Variants in KIF1A observed in about 807,000 individuals in gnomAD.
KIF1A encodes the protein kinesin family member 1A, also known as kinesin-like protein KIF1A.
In KIF1A, 46 loss-of-function variants were observed where a neutral mutation model predicts 227.3. The ratio of observed to expected loss-of-function variants is 0.20; its 90% CI spans 0.16 to 0.26. KIF1A has a LOEUF of 0.26. Among genes scored for constraint, KIF1A ranks in the 10% least tolerant of loss-of-function variants. The pLI is 1.00. For missense variants in KIF1A, 1,683 were observed against 2,485.9 expected (o/e 0.68, Z 6.87); for synonymous variants, 1,022 against 1,012.8 (o/e 1.01, Z -0.17).
At position 240,813,665 on chromosome 2, in the gene KIF1A, C is replaced by T. The variant is rs376454981; in HGVS notation, c.-61+6457G>A. On this transcript the variant is annotated intron_variant, in intron 1 of 48. Transcript: ENST00000498729. ...GCCAGGGCCTGCCATGGACACCCCACCCCCCATGGACACCCCACCCCAGCT... is the reference window on the plus strand; with the variant it reads ...GCCAGGGCCTGCCATGGACACCCCATCCCCCATGGACACCCCACCCCAGCT... Among the ~76,000 whole-genome samples the T allele has an allele frequency of 3.9e-3, 593 of 152,076 alleles. 5 individuals carry two copies. The highest frequency in any genetic ancestry group is 0.013 in the African/African-American group (558 of 41,458).
chr2:240,721,436 A>G (rs147195379), intron 44 of KIF1A, among the ~76,000 whole-genome samples: 1 of 152,336 alleles, frequency 6.6e-6, no homozygotes, highest in East Asian at 1.9e-4. Context: ...TTCCCAGGCT[A>G]CAGGGGTGGG....
chr2:240,811,464 AGAGCCTATGGGCGTGGCT>A (rs2057859256), intron 1 of KIF1A, among the ~76,000 whole-genome samples: 1 of 152,224 alleles, frequency 6.6e-6, no homozygotes, highest in Admixed American at 6.5e-5. Flanking sequence ...AAGGGTGGCC[AGAGCCTATGGGCGTGGCT>A]GATGGCAGAA....
intron 24 of KIF1A, 77 bp downstream of exon 24, chr2:240,761,152 C>T (rs2050477401): frequency 6.7e-7 from 1 of 1,501,978 alleles, no homozygotes; most frequent in Non-Finnish European, 9.1e-7. Flanking sequence ...GTGCTGAGTC[C>T]CAAGTAGCTG....
chr2:240,765,521 C>G (rs1374046511), intron 20 of KIF1A, among the ~76,000 whole-genome samples, 189 bp downstream of exon 20: 1 of 152,240 alleles, frequency 6.6e-6, no homozygotes, highest in Non-Finnish European at 1.5e-5. Flanking sequence ...TGCTGTGTTC[C>G]TGGAGTTGGG....
At chr2:240,817,022 T>C (rs914134904) in intron 1 of KIF1A, among the ~76,000 whole-genome samples, 13 of 152,196 alleles carry the variant, frequency 8.5e-5, no homozygotes, top group Admixed American at 7.2e-4. Flanking sequence ...GCTCAGGAGC[T>C]AAAGAGCAAG....
intron 43 of KIF1A, 30 bp from the exon 44 acceptor site, chr2:240,721,914 G>C: frequency 6.4e-7 from 1 of 1,566,028 alleles, no homozygotes; most frequent in Non-Finnish European, 8.7e-7. Context: ...GTGGTCAGGG[G>C]CCAGGCCTCC....
intron 1 of KIF1A, among the ~76,000 whole-genome samples, chr2:240,799,170 G>A (rs1559540053): frequency 6.6e-6 from 1 of 152,296 alleles, no homozygotes; most frequent in East Asian, 1.9e-4. Context: ...AGGAAAGGGG[G>A]CACAGCAAGC....
chr2:240,748,908 G>A (rs1244734411), intron 28 of KIF1A, among the ~76,000 whole-genome samples: 2 of 152,136 alleles, frequency 1.3e-5, no homozygotes, highest in East Asian at 1.9e-4. Flanking sequence ...ATTACTTGAG[G>A]TCAGGAGTTC....
chr2:240,786,542 C>G, intron 5 of KIF1A, 29 bp from the exon 6 acceptor site: 1 of 1,604,150 alleles, frequency 6.2e-7, no homozygotes, highest in South Asian at 1.1e-5. Context: ...CCATCAGGGG[C>G]CCCTGAGGCG....
rs148868517 is a variant in KIF1A at position 240,784,425 on chromosome 2, G to A, written c.720+564C>T. Among the ~76,000 whole-genome samples, 99 of 152,308 alleles carry A rather than the reference G, an allele frequency of 6.5e-4. 2 individuals carry two copies. In the East Asian group the frequency reaches 0.015, roughly 23 times the overall value. On this transcript the variant is annotated intron_variant, in intron 7 of 48. Transcript: ENST00000498729. ...CGGGGCAGGCAGCCGCGCCGACCTC[G>A]TCCAGCTTCACCCTCGTCTGTCCCC...
intron 2 of KIF1A, among the ~76,000 whole-genome samples, chr2:240,795,503 C>T (rs969936707): frequency 2.0e-5 from 3 of 152,222 alleles, no homozygotes; most frequent in African/African-American, 7.2e-5. Flanking sequence ...TCCAGGCCTG[C>T]ACTGCTGTCT....
chr2:240,733,085 C>A (rs2046940274), intron 38 of KIF1A, among the ~76,000 whole-genome samples: 1 of 151,668 alleles, frequency 6.6e-6, no homozygotes, highest in Non-Finnish European at 1.5e-5. Context: ...AGGCTCTGAC[C>A]CACCTGGACA....
rs762675361 is a variant in KIF1A, at chr2:240,775,937, G to A, written c.883-11C>T. 20 of 1,592,486 alleles carry A rather than the reference G, an allele frequency of 1.3e-5. No individual in the cohort carries two copies. Among genetic ancestry groups the A allele is most frequent in the East Asian group, 2.2e-5 (1 of 44,782 alleles). On this transcript the variant is annotated splice_polypyrimidine_tract_variant and intron_variant, in intron 10 of 48. Transcript: ENST00000498729. This position sits in a 1 kb window ranked among gnomAD's most constrained non-coding sequence, Gnocchi z 5.5. ...CTTCTTTTTCTTGTTCTGTGGGGGA[G>A]GAACATTCAAGGTCAAGCCCGAGCC...
chr2:240,788,034 C>CCCCCCCCCCCTGCG lies in KIF1A; in HGVS notation c.363+16_363+17insCGCAGGGGGGGGGG. 6.9e-7 allele frequency: 1 copy of CCCCCCCCCCCTGCG among 1,449,064 alleles called. No homozygotes were observed. Among genetic ancestry groups the CCCCCCCCCCCTGCG allele is most frequent in the Non-Finnish European group, 9.4e-7 (1 of 1,059,102 alleles). The allele number at this position is 1,449,064 out of a possible 1,614,324, so 89.8% of individuals were successfully genotyped here. On this transcript the variant is annotated intron_variant, in intron 4 of 48. Coordinates refer to ENST00000498729, the MANE Select transcript of KIF1A (RefSeq NM_001244008.2). The surrounding 1 kb of genome is among the most constrained non-coding windows in gnomAD (Gnocchi z 6.6). ...CCCATCTGCCAGGGCTGCCCCCGCC[C>CCCCCCCCCCCTGCG]GCCCCCCGCTTCGTGCCTGTGGGAT...
chr2:240,781,551 G>C (rs140156523), intron 10 of KIF1A, among the ~76,000 whole-genome samples: 4 of 151,614 alleles, frequency 2.6e-5, no homozygotes, highest in Non-Finnish European at 5.9e-5. Flanking sequence ...TCTGGACAGC[G>C]GATCGTTCTC....
At chr2:240,770,206 C>T (rs2051762302) in intron 15 of KIF1A, among the ~76,000 whole-genome samples, 1 of 152,222 alleles carries the variant, frequency 6.6e-6, no homozygotes, top group Non-Finnish European at 1.5e-5. Flanking sequence ...TTCCCCTCAG[C>T]CCCTCAGTCT....
chr2:240,771,425 G>A, intron 14 of KIF1A: 3 of 422,184 alleles, frequency 7.1e-6, no homozygotes, highest in South Asian at 6.6e-5. Flanking sequence ...GCCCTCCCCA[G>A]CAGCAGCATG....
At chr2:240,801,788 A>T (rs745333095) in intron 1 of KIF1A, among the ~76,000 whole-genome samples, 4 of 152,200 alleles carry the variant, frequency 2.6e-5, no homozygotes, top group Non-Finnish European at 4.4e-5. Flanking sequence ...CAGAAAGCAG[A>T]TCCTCAGCCA....
rs1396029721 is a variant in KIF1A at position 240,718,135 on chromosome 2, G to A, written c.5248C>T (p.Arg1750Cys). 3.1e-6 allele frequency: 5 copies of A among 1,609,172 alleles called. No homozygotes were observed. Among genetic ancestry groups the A allele is most frequent in the South Asian group, 1.1e-5 (1 of 90,220 alleles). Reference sequence around the variant, plus strand: ...CTGGCGGCCTGCAGCAGGATGCCGCGGTGTTCCGTGCACACCGCGAATGTG... The same window carrying A: ...CTGGCGGCCTGCAGCAGGATGCCGCAGTGTTCCGTGCACACCGCGAATGTG... ...PNTFAVCTEH[R>C]GILLQAASDK... The change falls in exon 48 of 49, where the codon CGC (arginine) becomes TGC (cysteine). Residue 1750 changes from arginine to cysteine, a missense_variant. This residue lies in a region of KIF1A where 384 missense variants were observed against 410.1 expected (regional missense o/e 0.94). Coordinates refer to ENST00000498729, the MANE Select transcript of KIF1A (RefSeq NM_001244008.2).
Sources: gnomAD v4.1 joint callset for allele counts (sites outside exome capture counted in the v4.1 genomes callset) on GRCh38, gnomAD v4.1.1 for gene constraint, gnomAD v4.1.1 regional missense constraint, Gnocchi (gnomAD v3.1) non-coding constraint, MANE v1.5 for transcripts, NCBI Gene and HGNC (gene_info 2026-07-23, HGNC 2026-07-21) for gene names.